Variants in ANO6 observed in about 807,000 individuals in gnomAD.
ANO6 encodes the protein anoctamin-6.
In ANO6, 106 loss-of-function variants were observed where a neutral mutation model predicts 117.5. The observed-to-expected ratio is 0.90, with a 90% confidence interval of 0.77 to 1.06. The LOEUF (loss-of-function observed/expected upper bound fraction) is 1.06, where lower values mean the gene tolerates loss of function less well. Ranked by LOEUF, ANO6 falls within the 50% of genes least tolerant of loss-of-function variation. The probability of loss-of-function intolerance (pLI) is 0.00; values close to 1 mark genes in which losing one functional copy is unlikely to be tolerated. For synonymous variants in ANO6, 367 were observed against 385.1 expected, an observed-to-expected ratio of 0.95 and a Z score of 0.55; for missense variants, 955 against 1,121.1, an observed-to-expected ratio of 0.85 and a Z score of 2.12.
intron 12 of ANO6, among the ~76,000 whole-genome samples, chr12:45,392,087 C>A (rs1192858325): frequency 6.6e-6 from 1 of 152,190 alleles, no homozygotes; most frequent in Non-Finnish European, 1.5e-5. Context: ...GGGCGATTTC[C>A]CTTTCCTAGC....
intron 10 of ANO6, among the ~76,000 whole-genome samples, chr12:45,387,632 A>G (rs1942333665): frequency 6.6e-6 from 1 of 152,184 alleles, no homozygotes; most frequent in South Asian, 2.1e-4. Flanking sequence ...ATTTTTCTTT[A>G]AAATCATGTT....
chr12:45,403,053 C>A lies in ANO6; in HGVS notation c.1613-19C>A. The A allele has an allele frequency of 1.2e-6, 2 of 1,612,270 alleles. No homozygotes were observed. The highest frequency in any genetic ancestry group is 1.1e-5 in the South Asian group (1 of 91,032). On this transcript the variant is annotated intron_variant, in intron 13 of 19. Coordinates refer to ENST00000320560, the MANE Select transcript of ANO6 (RefSeq NM_001025356.3). ...TGTTCACAATTTTAAAATCTTATTT[C>A]TCTTTCTTTTAACTACAGAACTCCC...
At chr12:45,347,245 G>A (rs1941159567) in intron 4 of ANO6, 158 bp downstream of exon 4, 3 of 672,166 alleles carry the variant, frequency 4.5e-6, no homozygotes, top group Admixed American at 2.6e-5. Context: ...TGTGTAGGAT[G>A]TATTCTTTTT....
intron 11 of ANO6, 84 bp from the exon 12 acceptor site, chr12:45,390,337 T>C: frequency 2.7e-6 from 3 of 1,119,874 alleles, no homozygotes; most frequent in Admixed American, 3.5e-5. Context: ...AAATTAATTC[T>C]AAGATTTATT....
chr12:45,389,774 G>A lies in ANO6; in HGVS notation c.1309-647G>A, dbSNP rs1426212053. 3.3e-5 allele frequency among the ~76,000 whole-genome samples: 5 copies of A among 152,244 alleles called. No individual in the cohort carries two copies. In the East Asian group the frequency reaches 9.7e-4, roughly 29 times the overall value. The stretch of plus-strand genomic sequence containing the variant: ...TCATCTATAAAATGGGAATAATACA[G>A]TTGTTTCCTCATGATCGCAGCTAAG... On this transcript the variant is annotated intron_variant, in intron 11 of 19. Transcript: ENST00000320560.
chr12:45,328,502 T>G (rs923610625), intron 2 of ANO6, among the ~76,000 whole-genome samples: 1 of 152,198 alleles, frequency 6.6e-6, no homozygotes, highest in African/African-American at 2.4e-5. Flanking sequence ...TTCTACTTAT[T>G]ACTCATGCCT....
intron 15 of ANO6, among the ~76,000 whole-genome samples, chr12:45,406,280 G>C (rs1209817816): frequency 6.6e-6 from 1 of 152,212 alleles, no homozygotes; most frequent in African/African-American, 2.4e-5. Context: ...TTACAGAGTT[G>C]TCAGTGAGAC....
At chr12:45,330,031 G>T (rs1443307634) in intron 2 of ANO6, among the ~76,000 whole-genome samples, 1 of 152,160 alleles carries the variant, frequency 6.6e-6, no homozygotes, top group African/African-American at 2.4e-5. Flanking sequence ...TTATTGCCCT[G>T]GATAGGAAAG....
chr12:45,411,113 T>A (rs1388432053), intron 16 of ANO6, among the ~76,000 whole-genome samples: 2 of 152,350 alleles, frequency 1.3e-5, no homozygotes, highest in East Asian at 1.9e-4. Flanking sequence ...ACAGCATTTT[T>A]AAAAATCCTG....
At chr12:45,317,111 A>ATGTGTGTGTGTG (rs10632163) in intron 2 of ANO6, among the ~76,000 whole-genome samples, 4 of 13,974 alleles carry the variant, frequency 2.9e-4, no homozygotes, top group Non-Finnish European at 4.5e-4. Flanking sequence ...TTCTTTTTAT[A>ATGTGTGTGTGTG]TGTATATATA....
chr12:45,415,282 G>T (rs1943186778), intron 16 of ANO6, among the ~76,000 whole-genome samples: 1 of 152,128 alleles, frequency 6.6e-6, no homozygotes, highest in African/African-American at 2.4e-5. Flanking sequence ...TTTCTAAATA[G>T]TTTATGCTTT....
chr12:45,220,354 G>C (rs988409997), intron 1 of ANO6, among the ~76,000 whole-genome samples: 1 of 152,172 alleles, frequency 6.6e-6, no homozygotes, highest in Non-Finnish European at 1.5e-5. Flanking sequence ...CATTACCTTT[G>C]AGAGATAATG....
intron 9 of ANO6, among the ~76,000 whole-genome samples, chr12:45,371,751 A>G (rs1941844013): frequency 6.6e-6 from 1 of 152,248 alleles, no homozygotes; most frequent in Non-Finnish European, 1.5e-5. Context: ...TAAAACCACA[A>G]AGATGGGGGA....
intron 1 of ANO6, among the ~76,000 whole-genome samples, chr12:45,279,562 G>A (rs920640464): frequency 2.0e-5 from 3 of 152,148 alleles, no homozygotes. Context: ...ATTTCTGTGT[G>A]ACCTCTGAGT....
At chr12:45,251,086 C>A (rs1245974748) in intron 1 of ANO6, among the ~76,000 whole-genome samples, 2 of 151,824 alleles carry the variant, frequency 1.3e-5, no homozygotes, top group Non-Finnish European at 2.9e-5. Flanking sequence ...GAAAAAAAAC[C>A]CACAAAAAAA....
intron 3 of ANO6, among the ~76,000 whole-genome samples, chr12:45,333,501 G>A (rs1483779217): frequency 1.3e-5 from 2 of 152,014 alleles, no homozygotes; most frequent in Admixed American, 6.6e-5. Flanking sequence ...TTACTGCCAT[G>A]ATGAAGGGCC....
At chr12:45,306,986 C>T (rs1039294665) in intron 2 of ANO6, among the ~76,000 whole-genome samples, 3 of 151,824 alleles carry the variant, frequency 2.0e-5, no homozygotes, top group African/African-American at 7.3e-5. Flanking sequence ...AAACAGGTTT[C>T]GAGGTAGGTG....
At chr12:45,352,108 C>T (rs2137459259) in intron 7 of ANO6, among the ~76,000 whole-genome samples, 1 of 152,166 alleles carries the variant, frequency 6.6e-6, no homozygotes, top group South Asian at 2.1e-4. Context: ...GGTGTCTCAA[C>T]ACCCCATGCA....
At chr12:45,245,945 C>CAAAAAAA (rs560906864) in intron 1 of ANO6, among the ~76,000 whole-genome samples, 1 of 100,764 alleles carries the variant, frequency 9.9e-6, no homozygotes, top group African/African-American at 3.1e-5. Flanking sequence ...ACATTTTAGT[C>CAAAAAAA]AAAAAAAAAA....
Sources: gnomAD v4.1 joint callset for allele counts (sites outside exome capture counted in the v4.1 genomes callset) on GRCh38, gnomAD v4.1.1 for gene constraint, MANE v1.5 for transcripts, NCBI Gene and HGNC (gene_info 2026-07-23, HGNC 2026-07-21) for gene names.